Variants in CACNA1D observed in about 807,000 individuals in gnomAD.
CACNA1D encodes the protein voltage-dependent L-type calcium channel subunit alpha-1D.
In CACNA1D, 55 loss-of-function variants were observed where a neutral mutation model predicts 257.1. The ratio of observed to expected loss-of-function variants is 0.21; its 90% CI spans 0.17 to 0.27. The LOEUF (loss-of-function observed/expected upper bound fraction) is 0.27, where lower values mean the gene tolerates loss of function less well. Ranked by LOEUF, CACNA1D falls within the 10% of genes least tolerant of loss-of-function variation. The pLI, the probability that CACNA1D is intolerant of heterozygous loss-of-function variation, is 1.00. For synonymous variants in CACNA1D, 980 were observed against 1,014.9 expected, an observed-to-expected ratio of 0.97 and a Z score of 0.65; for missense variants, 1,876 against 2,784.0, an observed-to-expected ratio of 0.67 and a Z score of 7.34.
Position 53,673,662 on chromosome 3 carries a change from C to G in CACNA1D, c.1220+536C>G. ...AGGTTTGGCAGCTGCAACTGGGGCT[C>G]TGCTCTTTAGTAAATGGATAACTGA... On this transcript the variant is annotated intron_variant, in intron 8 of 47. Transcript: ENST00000350061. The surrounding 1 kb of genome is among the most constrained non-coding windows in gnomAD (Gnocchi z 4.1). 7.3e-7 allele frequency: 1 copy of G among 1,379,238 alleles called. No individual in the cohort carries two copies. Among genetic ancestry groups the G allele is most frequent in the Non-Finnish European group, 1.0e-6 (1 of 965,652 alleles). The allele number at this position is 1,379,238 out of a possible 1,614,324, so 85.4% of individuals were successfully genotyped here. A position where few individuals can be genotyped will look rare whatever the true frequency, so the allele number is the denominator to read the frequency against.
At chr3:53,559,627 A>G (rs946156314) in intron 3 of CACNA1D, among the ~76,000 whole-genome samples, 10 of 152,190 alleles carry the variant, frequency 6.6e-5, no homozygotes, top group Non-Finnish European at 1.2e-4. Flanking sequence ...GATATCCTAA[A>G]GTGAAAATCT....
intron 40 of CACNA1D, among the ~76,000 whole-genome samples, chr3:53,795,555 C>G (rs949929876): frequency 2.6e-5 from 4 of 152,214 alleles, no homozygotes; most frequent in African/African-American, 9.7e-5. Context: ...TTGGCTCTCC[C>G]TTCCTCCCAG....
chr3:53,711,819 C>T (rs906821958), intron 9 of CACNA1D, among the ~76,000 whole-genome samples: 2 of 152,192 alleles, frequency 1.3e-5, no homozygotes, highest in African/African-American at 4.8e-5. Context: ...AAGCCCTTGT[C>T]ATTCAGCACG....
At chr3:53,806,570 A>C (rs1263393256) in intron 45 of CACNA1D, among the ~76,000 whole-genome samples, 1 of 152,162 alleles carries the variant, frequency 6.6e-6, no homozygotes, top group African/African-American at 2.4e-5. Flanking sequence ...AGGACTATCC[A>C]TTTCTGGAAT....
chr3:53,753,533 C>T (rs1423134987), intron 28 of CACNA1D, 39 bp from the exon 29 acceptor site: 3 of 1,320,682 alleles, frequency 2.3e-6, no homozygotes. Flanking sequence ...GAGATCGTGG[C>T]TGAGGCTCTG....
At chr3:53,620,365 A>G (rs2093683138) in intron 3 of CACNA1D, among the ~76,000 whole-genome samples, 1 of 152,176 alleles carries the variant, frequency 6.6e-6, no homozygotes, top group Non-Finnish European at 1.5e-5. Flanking sequence ...ATCATAGCTT[A>G]TTGCAGCCTT....
In CACNA1D at chr3:53,718,364, A is replaced by G. The variant is rs1204132115; in HGVS notation, c.1454A>G (p.Asn485Ser). 6.2e-7 allele frequency: 1 copy of G among 1,614,130 alleles called. No homozygotes were observed. Among genetic ancestry groups the G allele is most frequent in the East Asian group, 2.2e-5 (1 of 44,882 alleles). The change falls in exon 10 of 48, where the codon AAC (asparagine) becomes AGC (serine). Residue 485 changes from asparagine (N) to serine (S), a missense_variant. Coordinates refer to ENST00000350061, the MANE Select transcript of CACNA1D (RefSeq NM_001128840.3). ...GAGAACGTCAGCGGTGAAGGCGAGA[A>G]CCGAGGCTGCTGTGGAAGTCTCTGG... ...NTENVSGEGE[N>S]RGCCGSLCQA...
In CACNA1D at chr3:53,805,130, A is replaced by G. The variant is rs961367455; in HGVS notation, c.5733A>G (p.Leu1911=). ...DSRRSPRRRL[L]PPTPASHRRS... The stretch of plus-strand genomic sequence containing the variant: ...GGAGATCTCCAAGGAGACGCCTACT[A>G]CCTCCCACCCCAGCATGTGAGGCCA... The change falls in exon 45 of 48, where the codon CTA becomes CTG. Residue 1911 remains leucine (L), a synonymous_variant. Transcript: ENST00000350061. 1.2e-6 allele frequency: 2 copies of G among 1,613,242 alleles called. No homozygotes were observed.
intron 19 of CACNA1D, among the ~76,000 whole-genome samples, 157 bp from the exon 20 acceptor site, chr3:53,735,217 G>A (rs1161575592): frequency 2.0e-5 from 3 of 152,198 alleles, no homozygotes; most frequent in African/African-American, 7.2e-5. Context: ...AGAGGCTGAC[G>A]GACAGGTTGC....
chr3:53,512,643 C>T (rs1461276822), intron 3 of CACNA1D, among the ~76,000 whole-genome samples: 4 of 152,280 alleles, frequency 2.6e-5, no homozygotes, highest in Admixed American at 2.6e-4. Context: ...TTTCTTCCTA[C>T]CCACCTCAGT....
At chr3:53,796,825 T>C (rs2095509680) in intron 40 of CACNA1D, among the ~76,000 whole-genome samples, 1 of 152,242 alleles carries the variant, frequency 6.6e-6, no homozygotes, top group African/African-American at 2.4e-5. Flanking sequence ...CTGTTTAATA[T>C]TTTATAAGAT....
intron 8 of CACNA1D, among the ~76,000 whole-genome samples, chr3:53,692,638 T>C (rs1392038255): frequency 6.6e-6 from 1 of 152,242 alleles, no homozygotes; most frequent in Non-Finnish European, 1.5e-5. Flanking sequence ...TCCTGTGTTC[T>C]GTTCATGGTG....
At chr3:53,676,819 A>G (rs972755498) in intron 8 of CACNA1D, among the ~76,000 whole-genome samples, 1 of 152,240 alleles carries the variant, frequency 6.6e-6, no homozygotes, top group African/African-American at 2.4e-5. Flanking sequence ...CAAGGTAAGT[A>G]TGAAGTTTAT....
intron 3 of CACNA1D, among the ~76,000 whole-genome samples, chr3:53,576,497 C>T (rs973118734): frequency 2.0e-5 from 3 of 152,188 alleles, no homozygotes; most frequent in African/African-American, 7.2e-5. Context: ...AATCTCCATC[C>T]TCCATCAGAC....
At chr3:53,758,436 C>T (rs961472665) in intron 29 of CACNA1D, among the ~76,000 whole-genome samples, 3 of 152,178 alleles carry the variant, frequency 2.0e-5, no homozygotes, top group Non-Finnish European at 2.9e-5. Flanking sequence ...TTCCCATTTG[C>T]AACCGTTCCA....
intron 9 of CACNA1D, among the ~76,000 whole-genome samples, chr3:53,715,168 G>A (rs761810626): frequency 6.6e-6 from 1 of 152,152 alleles, no homozygotes; most frequent in Admixed American, 6.5e-5. Flanking sequence ...TTAGGGGCTG[G>A]ATCAAGGGCT....
chr3:53,766,543 A>C lies in CACNA1D; in HGVS notation c.3871-3430A>C, dbSNP rs183611694. On this transcript the variant is annotated intron_variant, in intron 30 of 47. Transcript: ENST00000350061. The stretch of plus-strand genomic sequence containing the variant: ...GAAATTAAAACAGAAAATGAAATGG[A>C]CTGATTTCATTGATTTCACTTGGGA... Among the ~76,000 whole-genome samples the C allele has an allele frequency of 2.7e-3, 404 of 152,338 alleles. 9 individuals are homozygous for C. Among genetic ancestry groups the C allele is most frequent in the Admixed American group, 0.025 (389 of 15,302 alleles).
At chr3:53,613,774 T>C (rs1341366853) in intron 3 of CACNA1D, among the ~76,000 whole-genome samples, 2 of 152,030 alleles carry the variant, frequency 1.3e-5, no homozygotes, top group African/African-American at 2.4e-5. Context: ...CACTTCTTCC[T>C]TATATTGTAT....
At chr3:53,721,808 A>G in intron 11 of CACNA1D, among the ~76,000 whole-genome samples, 1 of 139,256 alleles carries the variant, frequency 7.2e-6, no homozygotes, top group Admixed American at 7.1e-5. Context: ...GGTTCCCTTT[A>G]AAAAAAAAAA....
Sources: gnomAD v4.1 joint callset for allele counts (sites outside exome capture counted in the v4.1 genomes callset) on GRCh38, gnomAD v4.1.1 for gene constraint, Gnocchi (gnomAD v3.1) non-coding constraint, MANE v1.5 for transcripts, NCBI Gene and HGNC (gene_info 2026-07-23, HGNC 2026-07-21) for gene names.